The following RGS6 variants were observed in gnomAD, a reference collection of about 807,000 sequenced individuals.
The protein encoded by RGS6 is regulator of G protein signaling 6, also known as regulator of G-protein signaling 6.
Under a neutral mutation model 78.5 loss-of-function variants are expected in RGS6, and 30 were observed. The ratio of observed to expected loss-of-function variants is 0.38; its 90% CI spans 0.29 to 0.52. The LOEUF is 0.52. Ranked by LOEUF, RGS6 falls within the 20% of genes least tolerant of loss-of-function variation. The pLI, the probability that RGS6 is intolerant of heterozygous loss-of-function variation, is 0.85. For synonymous variants in RGS6, 206 were observed against 206.0 expected (o/e 1.00, Z 0.00); for missense variants, 495 against 609.7 (o/e 0.81, Z 1.98).
At chr14:71,951,919 A>ATACAAT (rs1566896774) in intron 1 of RGS6, among the ~76,000 whole-genome samples, 1 of 152,184 alleles carries the variant, frequency 6.6e-6, no homozygotes, top group Non-Finnish European at 1.5e-5. Context: ...TATACAAAAA[A>ATACAAT]TACAATTGAG....
chr14:72,065,601 A>G (rs566638933), intron 2 of RGS6, among the ~76,000 whole-genome samples: 13 of 152,280 alleles, frequency 8.5e-5, no homozygotes, highest in South Asian at 4.1e-4. Context: ...CCTTAAAACA[A>G]CAATAACAGA....
chr14:72,353,167 A>C (rs1366836238), intron 3 of RGS6, among the ~76,000 whole-genome samples: 2 of 152,256 alleles, frequency 1.3e-5, no homozygotes, highest in African/African-American at 4.8e-5. Context: ...AATGCTTACC[A>C]TATGAACCAG....
chr14:71,884,240 G>A, the RGS6 span, among the ~76,000 whole-genome samples: 2 of 152,214 alleles, frequency 1.3e-5, no homozygotes, highest in Non-Finnish European at 2.9e-5. Flanking sequence ...CTGCGAGCCA[G>A]GGACTCCGCT....
intron 2 of RGS6, among the ~76,000 whole-genome samples, chr14:72,325,295 C>T (rs530035218): frequency 2.0e-5 from 3 of 152,166 alleles, no homozygotes; most frequent in Non-Finnish European, 2.9e-5. Context: ...TTCTCCCATT[C>T]TGTATGTTGC....
chr14:72,576,520 G>T, the RGS6 span, among the ~76,000 whole-genome samples: 2 of 152,306 alleles, frequency 1.3e-5, no homozygotes, highest in South Asian at 4.2e-4. Flanking sequence ...TCAACACCTT[G>T]AAACATAAAC....
chr14:72,452,724 C>T (rs1220140637), intron 3 of RGS6, among the ~76,000 whole-genome samples: 1 of 152,188 alleles, frequency 6.6e-6, no homozygotes, highest in Non-Finnish European at 1.5e-5. Flanking sequence ...AGGCTGTGTT[C>T]CATCAAACAA....
chr14:72,178,019 G>A (rs1379794175), intron 2 of RGS6, among the ~76,000 whole-genome samples: 1 of 152,132 alleles, frequency 6.6e-6, no homozygotes, highest in East Asian at 1.9e-4. Flanking sequence ...TTCTCCCATA[G>A]GTGCTAGTCT....
chr14:72,337,540 A>C (rs1286092651), intron 2 of RGS6, among the ~76,000 whole-genome samples: 1 of 151,990 alleles, frequency 6.6e-6, no homozygotes, highest in Non-Finnish European at 1.5e-5. Context: ...CAACATCCCC[A>C]TCCAAACATG....
intron 2 of RGS6, among the ~76,000 whole-genome samples, chr14:72,258,244 C>G (rs923393806): frequency 1.3e-5 from 2 of 152,220 alleles, no homozygotes; most frequent in Non-Finnish European, 2.9e-5. Flanking sequence ...CTATACACCA[C>G]TTAATCTTTA....
At chr14:72,080,438 G>C (rs2094770561) in intron 2 of RGS6, among the ~76,000 whole-genome samples, 1 of 152,024 alleles carries the variant, frequency 6.6e-6, no homozygotes, top group Non-Finnish European at 1.5e-5. Context: ...ATCCCTATCA[G>C]ATTATGATTT....
intron 2 of RGS6, among the ~76,000 whole-genome samples, chr14:72,105,866 G>A (rs1026011437): frequency 2.0e-5 from 3 of 152,248 alleles, no homozygotes; most frequent in Admixed American, 6.5e-5. Context: ...ATGCAAGTTT[G>A]TAGAGAGATA....
At chr14:72,219,301 T>C (rs983660657) in intron 2 of RGS6, among the ~76,000 whole-genome samples, 1 of 152,090 alleles carries the variant, frequency 6.6e-6, no homozygotes, top group Non-Finnish European at 1.5e-5. Context: ...CAAATACATT[T>C]GAGAGTGTAG....
At chr14:72,181,486 A>G (rs1040221664) in intron 2 of RGS6, among the ~76,000 whole-genome samples, 2 of 152,234 alleles carry the variant, frequency 1.3e-5, no homozygotes, top group African/African-American at 4.8e-5. Flanking sequence ...TTGAAGAATA[A>G]AAATCTGAAT....
chr14:72,521,682 T>A (rs1050392648), intron 15 of RGS6, among the ~76,000 whole-genome samples: 3 of 152,228 alleles, frequency 2.0e-5, no homozygotes, highest in Non-Finnish European at 1.5e-5. Flanking sequence ...TCCTATTGCT[T>A]CTGAAGTGTA....
At chr14:72,547,173 G>T in intron 17 of RGS6, 1 of 1,534,798 alleles carries the variant, frequency 6.5e-7, no homozygotes, top group African/African-American at 1.4e-5. Context: ...GCCTGCCTCA[G>T]TCCTGTCCGG....
At chr14:72,612,458 G>T in the RGS6 span, 410 of 517,484 alleles carry the variant, frequency 7.9e-4, 3 homozygotes, top group African/African-American at 7.4e-3. Flanking sequence ...CCTAATTTAG[G>T]CTTCTTCAAC....
intron 2 of RGS6, among the ~76,000 whole-genome samples, chr14:71,998,332 C>T (rs2082770226): frequency 1.3e-5 from 2 of 152,196 alleles, no homozygotes; most frequent in South Asian, 4.1e-4. Flanking sequence ...CAGTTCCCAG[C>T]TTGACTTTTC....
chr14:71,965,364 A>G (rs1443903239), intron 2 of RGS6, among the ~76,000 whole-genome samples: 1 of 152,200 alleles, frequency 6.6e-6, no homozygotes, highest in Non-Finnish European at 1.5e-5. Flanking sequence ...ATAATTTCAG[A>G]GGAGGAGGCC....
intron 3 of RGS6, among the ~76,000 whole-genome samples, chr14:72,391,670 A>G (rs143206317): frequency 6.6e-6 from 1 of 152,308 alleles, no homozygotes; most frequent in African/African-American, 2.4e-5. Flanking sequence ...ACATAGGTTT[A>G]TATGTGCCAT....
Sources: allele counts gnomAD v4.1 joint callset (sites outside exome capture counted in the v4.1 genomes callset), GRCh38; gene constraint gnomAD v4.1.1; transcripts MANE v1.5; gene names NCBI Gene and HGNC (gene_info 2026-07-23, HGNC 2026-07-21).